The following TICAM2 variants were observed in gnomAD, a reference collection of about 807,000 sequenced individuals.
The protein encoded by TICAM2 is TIR domain containing adaptor molecule 2.
In TICAM2, 8 loss-of-function variants were observed where a neutral mutation model predicts 7.3. The ratio of observed to expected loss-of-function variants is 1.10; its 90% confidence interval spans 0.65 to 1.99. The LOEUF (loss-of-function observed/expected upper bound fraction) is 1.99. TICAM2 is among the 30% of genes most tolerant of loss of function. The probability of loss-of-function intolerance (pLI) is 0.00; values close to 1 mark genes in which losing one functional copy is unlikely to be tolerated. For missense variants in TICAM2, 304 were observed against 278.8 expected (o/e 1.09, Z -0.65); for synonymous variants, 113 against 99.6 (o/e 1.13, Z -0.80).
chr5:115,588,828 G>C lies in TICAM2; in HGVS notation c.-59-7513C>G, dbSNP rs536967940. Among the ~76,000 whole-genome samples the C allele has an allele frequency of 3.3e-5, 5 of 152,290 alleles. No individual in the cohort carries two copies. The South Asian group carries it at 8.3e-4, about 25-fold the overall frequency. The stretch of plus-strand genomic sequence containing the variant: ...GTAGAGTGGGCATAATTAAGGAGCT[G>C]GCTGCTTCCTGATTTGGCAGGAGGC... On this transcript the variant is annotated intron_variant, in intron 1 of 1. Transcript: ENST00000427199.
At position 115,579,535 on chromosome 5, in the gene TICAM2, A is replaced by G. The variant is rs902895036; in HGVS notation, c.*1014T>C. On this transcript the variant is annotated 3_prime_UTR_variant, in exon 2 of 2. Transcript: ENST00000427199. ...CAGATGGGCAGAAGGGCTGTGGAGG[A>G]AAGAAACAATCCTGTTTGGGGCCTC... 1 of 152,210 alleles carries G rather than the reference A, an allele frequency of 6.6e-6. No individual in the cohort carries two copies. The highest frequency in any genetic ancestry group is 2.4e-5 in the African/African-American group (1 of 41,454). The allele number at this position is 152,210 out of a possible 1,614,324, so 9.4% of individuals were successfully genotyped here.
At chr5:115,593,704 G>T (rs1208278108) in intron 1 of TICAM2, among the ~76,000 whole-genome samples, 1 of 152,154 alleles carries the variant, frequency 6.6e-6, no homozygotes, top group African/African-American at 2.4e-5. Context: ...AATATAAAGA[G>T]TAAGAATAGT....
At chr5:115,584,832 G>C (rs936665665) in intron 1 of TICAM2, among the ~76,000 whole-genome samples, 4 of 152,248 alleles carry the variant, frequency 2.6e-5, no homozygotes, top group East Asian at 3.9e-4. Context: ...GAAGGAAGGA[G>C]AGTCCAGAAT....
At chr5:115,596,038 A>C (rs1365224604) in intron 1 of TICAM2, among the ~76,000 whole-genome samples, 1 of 152,186 alleles carries the variant, frequency 6.6e-6, no homozygotes, top group East Asian at 1.9e-4. Context: ...TCATGGTAAA[A>C]GGCATTATCA....
rs1320687490 is a variant in TICAM2 at position 115,580,066 on chromosome 5, C to T, written c.*483G>A. On this transcript the variant is annotated 3_prime_UTR_variant, in exon 2 of 2. Transcript: ENST00000427199. ...ATCAACGCTTAACATGCTAAATGTT[C>T]TATTCTGGCAATTCATATTTCTGGG... 1 of 152,990 alleles carries T rather than the reference C, an allele frequency of 6.5e-6. No individual in the cohort carries two copies. The highest frequency in any genetic ancestry group is 1.9e-4 in the East Asian group (1 of 5,198). The allele number at this position is 152,990 out of a possible 1,614,324, so 9.5% of individuals were successfully genotyped here.
Position 115,580,776 on chromosome 5 carries a change from C to T in TICAM2, c.481G>A (p.Val161Ile), listed in dbSNP as rs150975574. Residue 161 changes from valine (V) to isoleucine (I), a missense_variant, in exon 2 of 2, where the codon GTT becomes ATT. By Grantham distance (29) the Val-to-Ile change is conservative. Coordinates refer to ENST00000427199, the MANE Select transcript of TICAM2 (RefSeq NM_021649.7). ...GAGTTGTATTTATGCTGCCTGTTAA[C>T]GGAGTTCATTAGGGACGTATAGAAC... ...FQFYTSLMNS[V>I]NRQHKYNSVI... 545 of 1,597,126 alleles carry T rather than the reference C, an allele frequency of 3.4e-4. 3 individuals carry two copies. The African/African-American group carries it at 6.5e-3, about 19-fold the overall frequency.
At chr5:115,597,442 G>T (rs1448454825) in intron 1 of TICAM2, among the ~76,000 whole-genome samples, 3 of 152,098 alleles carry the variant, frequency 2.0e-5, no homozygotes, top group East Asian at 1.9e-4. Context: ...ACTGGGGAAT[G>T]ATAATATTAA....
chr5:115,598,867 C>A (rs530295880), intron 1 of TICAM2, among the ~76,000 whole-genome samples: 1 of 152,028 alleles, frequency 6.6e-6, no homozygotes, highest in Non-Finnish European at 1.5e-5. Context: ...ATAAATTAAA[C>A]AATCTTTTAG....
chr5:115,601,614 GTT>G (rs1256255889), intron 1 of TICAM2, among the ~76,000 whole-genome samples: 2 of 152,056 alleles, frequency 1.3e-5, no homozygotes, highest in Non-Finnish European at 2.9e-5. Flanking sequence ...TCTTTAAGAA[GTT>G]TACTACCGTG....
At chr5:115,592,029 A>C (rs1034918634) in intron 1 of TICAM2, among the ~76,000 whole-genome samples, 1 of 152,332 alleles carries the variant, frequency 6.6e-6, no homozygotes, top group South Asian at 2.1e-4. Context: ...AAAAGTCTTA[A>C]AAACAGCAAG....
Position 115,591,003 on chromosome 5 carries a change from A to G in TICAM2, c.-59-9688T>C, listed in dbSNP as rs1025600575. On this transcript the variant is annotated intron_variant, in intron 1 of 1. Coordinates refer to ENST00000427199, the MANE Select transcript of TICAM2 (RefSeq NM_021649.7). ...GCTATTTGCAGCTTCCACTTCTAGTACTGGTGGACTAGGTAATTTGGATCA... is the reference window on the plus strand; with the variant it reads ...GCTATTTGCAGCTTCCACTTCTAGTGCTGGTGGACTAGGTAATTTGGATCA... 3.3e-5 allele frequency among the ~76,000 whole-genome samples: 5 copies of G among 152,160 alleles called. No homozygotes were observed. The East Asian group carries it at 9.6e-4, about 29-fold the overall frequency.
intron 1 of TICAM2, among the ~76,000 whole-genome samples, chr5:115,593,538 C>A (rs1420080811): frequency 1.3e-5 from 2 of 152,054 alleles, no homozygotes; most frequent in Non-Finnish European, 2.9e-5. Context: ...TAAATAAATG[C>A]ACATATATAT....
chr5:115,581,419 G>T (rs112072245), intron 1 of TICAM2, 104 bp from the exon 2 acceptor site: 33 of 1,273,136 alleles, frequency 2.6e-5, no homozygotes, highest in African/African-American at 2.0e-4. Context: ...ATAATAGACA[G>T]ATCCAAATAC....
rs1754890308 is a variant in TICAM2 at position 115,580,746 on chromosome 5, T to A, written c.511A>T (p.Ile171Leu). The change falls in exon 2 of 2, where the codon ATA becomes TTA. Residue 171 changes from isoleucine to leucine, a missense_variant. Ile to Leu is a conservative substitution (Grantham distance 5, BLOSUM62 2). Coordinates refer to ENST00000427199, the MANE Select transcript of TICAM2 (RefSeq NM_021649.7). ...VNRQHKYNSVIPMRPLNNPLP... is the reference protein window; with the variant it reads ...VNRQHKYNSVLPMRPLNNPLP... ...GGATTGTTCAGGGGCCGCATGGGTA[T>A]AACAGAGTTGTATTTATGCTGCCTG... 2.5e-6 allele frequency: 4 copies of A among 1,602,448 alleles called. No individual in the cohort carries two copies. Among genetic ancestry groups the A allele is most frequent in the Non-Finnish European group, 3.4e-6 (4 of 1,175,082 alleles).
chr5:115,580,630 A>C lies in TICAM2; in HGVS notation c.627T>G (p.Ile209Met). The C allele has an allele frequency of 6.3e-7, 1 of 1,588,304 alleles. No individual in the cohort carries two copies. The highest frequency in any genetic ancestry group is 8.5e-7 in the Non-Finnish European group (1 of 1,171,626). Residue 209 changes from isoleucine to methionine, a missense_variant, in exon 2 of 2, where the codon ATT becomes ATG. By Grantham distance (10) the Ile-to-Met change is conservative. Coordinates refer to ENST00000427199, the MANE Select transcript of TICAM2 (RefSeq NM_021649.7). Reference sequence around the variant, plus strand: ...GTGTCTTATACACAGACTCCTGAAAAATTCTTTCTACTTGTGTAGGAAATC... The same window carrying C: ...GTGTCTTATACACAGACTCCTGAAACATTCTTTCTACTTGTGTAGGAAATC... ...SRGFPTQVER[I>M]FQESVYKTQQ...
At chr5:115,591,289 C>T (rs1025302592) in intron 1 of TICAM2, among the ~76,000 whole-genome samples, 4 of 152,144 alleles carry the variant, frequency 2.6e-5, no homozygotes, top group Non-Finnish European at 4.4e-5. Flanking sequence ...AAGGCTACAC[C>T]TAGGTGTACG....
rs1320344760 is a variant in TICAM2 at position 115,602,079 on chromosome 5, C to T, written c.-60+18G>A. The T allele has an allele frequency of 3.3e-5, 5 of 152,208 alleles. No homozygotes were observed. The highest frequency in any genetic ancestry group is 3.3e-4 in the Admixed American group (5 of 15,264). The allele number at this position is 152,208 out of a possible 1,614,324, so 9.4% of individuals were successfully genotyped here. A position where few individuals can be genotyped will look rare whatever the true frequency, so the allele number is the denominator to read the frequency against. On this transcript the variant is annotated intron_variant, in intron 1 of 1. Transcript: ENST00000427199. ...CGCGCCCCCGGCGGCGGCCCCCGCC[C>T]TAGCGCCCGGTACTTGCCTGCAGGC...
chr5:115,587,661 C>G (rs1313469720), intron 1 of TICAM2, among the ~76,000 whole-genome samples: 1 of 152,132 alleles, frequency 6.6e-6, no homozygotes, highest in East Asian at 1.9e-4. Context: ...GTGTCATTCA[C>G]TGAGAAAAGC....
At chr5:115,598,490 G>A (rs913802034) in intron 1 of TICAM2, among the ~76,000 whole-genome samples, 3 of 152,056 alleles carry the variant, frequency 2.0e-5, no homozygotes, top group Admixed American at 6.6e-5. Flanking sequence ...GCTTCTATCC[G>A]ATCTTCACCT....
Sources: gnomAD v4.1 joint callset for allele counts (sites outside exome capture counted in the v4.1 genomes callset) on GRCh38, gnomAD v4.1.1 for gene constraint, MANE v1.5 for transcripts, NCBI Gene and HGNC (gene_info 2026-07-23, HGNC 2026-07-21) for gene names.